Variants in RAP1GDS1 observed in about 807,000 individuals in gnomAD.
The protein encoded by RAP1GDS1 is Rap1 GTPase-GDP dissociation stimulator 1, also known as RAP1, GTP-GDP dissociation stimulator 1.
RAP1GDS1 carries 35 observed loss-of-function variants against 71.1 expected under a neutral mutation model. The observed-to-expected ratio is 0.49, with a 90% CI of 0.38 to 0.65. The LOEUF is 0.65. Among genes scored for constraint, RAP1GDS1 ranks in the 30% least tolerant of loss-of-function variants. The probability of loss-of-function intolerance (pLI) is 0.00; values close to 1 mark genes in which losing one functional copy is unlikely to be tolerated. For synonymous variants in RAP1GDS1, 229 were observed against 243.1 expected, an observed-to-expected ratio of 0.94 and a Z score of 0.54; for missense variants, 663 against 706.1, an observed-to-expected ratio of 0.94 and a Z score of 0.69.
intron 4 of RAP1GDS1, among the ~76,000 whole-genome samples, chr4:98,364,710 A>G (rs1244668932): frequency 1.6e-4 from 25 of 152,028 alleles, no homozygotes; most frequent in Admixed American, 1.6e-3. Context: ...CCAAGTATAA[A>G]AGCTTTATTT....
chr4:98,387,979 C>G (rs1359683417), intron 5 of RAP1GDS1, among the ~76,000 whole-genome samples: 1 of 152,142 alleles, frequency 6.6e-6, no homozygotes, highest in African/African-American at 2.4e-5. Context: ...AAGTCATACT[C>G]CTGATAACAT....
At chr4:98,284,734 T>C (rs551473815) in intron 1 of RAP1GDS1, among the ~76,000 whole-genome samples, 1 of 152,298 alleles carries the variant, frequency 6.6e-6, no homozygotes, top group South Asian at 2.1e-4. Flanking sequence ...CTCTGATTGT[T>C]GGAATACCAG....
chr4:98,326,416 C>A (rs1306310770), intron 2 of RAP1GDS1, among the ~76,000 whole-genome samples: 1 of 152,122 alleles, frequency 6.6e-6, no homozygotes, highest in Non-Finnish European at 1.5e-5. Flanking sequence ...CTTTCTTGAA[C>A]CTCATTCGAT....
At chr4:98,417,764 A>C (rs1052490305) in intron 9 of RAP1GDS1, among the ~76,000 whole-genome samples, 1 of 152,158 alleles carries the variant, frequency 6.6e-6, no homozygotes, top group Non-Finnish European at 1.5e-5. Context: ...GTAAGTTTGA[A>C]TCCCATTCTA....
At chr4:98,347,843 A>C (rs1488222698) in intron 3 of RAP1GDS1, among the ~76,000 whole-genome samples, 1 of 152,210 alleles carries the variant, frequency 6.6e-6, no homozygotes, top group East Asian at 1.9e-4. Context: ...GAATCCAGCC[A>C]GCTGTGAAAG....
At chr4:98,284,722 C>T (rs931389258) in intron 1 of RAP1GDS1, among the ~76,000 whole-genome samples, 5 of 152,130 alleles carry the variant, frequency 3.3e-5, no homozygotes, top group East Asian at 1.9e-4. Flanking sequence ...ATGCTGCTTC[C>T]GCTCTGATTG....
intron 3 of RAP1GDS1, among the ~76,000 whole-genome samples, chr4:98,350,144 A>G (rs1027273773): frequency 6.6e-6 from 1 of 152,202 alleles, no homozygotes; most frequent in Non-Finnish European, 1.5e-5. Flanking sequence ...TGTAGAGTCC[A>G]AATTTTGAAA....
At chr4:98,265,382 G>A (rs1000204213) in intron 1 of RAP1GDS1, among the ~76,000 whole-genome samples, 4 of 152,098 alleles carry the variant, frequency 2.6e-5, no homozygotes, top group Non-Finnish European at 5.9e-5. Context: ...TTTTTGGTCT[G>A]TCCTTTAGTC....
intron 1 of RAP1GDS1, among the ~76,000 whole-genome samples, chr4:98,289,626 A>G (rs928711450): frequency 6.6e-5 from 10 of 151,910 alleles, no homozygotes; most frequent in South Asian, 6.2e-4. Flanking sequence ...TGAAAATATT[A>G]TAATTTTTAA....
chr4:98,391,427 T>C (rs1165181124), intron 5 of RAP1GDS1, among the ~76,000 whole-genome samples: 1 of 152,148 alleles, frequency 6.6e-6, no homozygotes, highest in Non-Finnish European at 1.5e-5. Flanking sequence ...AAGAACACTC[T>C]GGTTGCAAAT....
chr4:98,443,121 G>T lies in RAP1GDS1; in HGVS notation c.*1004G>T, dbSNP rs189648410. On this transcript the variant is annotated 3_prime_UTR_variant, in exon 15 of 15. Coordinates refer to ENST00000408927, the MANE Select transcript of RAP1GDS1 (RefSeq NM_001100427.2). The stretch of plus-strand genomic sequence containing the variant: ...AATCTTATGTTAGAACTAGCAGGAC[G>T]TAGGTGGAAAGATGAAGAAATAAGC... 3.5e-4 allele frequency: 79 copies of T among 224,068 alleles called. No individual in the cohort carries two copies. In the East Asian group the frequency reaches 4.7e-3, roughly 13 times the overall value. The allele number at this position is 224,068 out of a possible 1,614,324, so 13.9% of individuals were successfully genotyped here. A position where few individuals can be genotyped will look rare whatever the true frequency, so the allele number is the denominator to read the frequency against.
At chr4:98,308,800 T>C (rs1729774962) in intron 2 of RAP1GDS1, among the ~76,000 whole-genome samples, 1 of 152,136 alleles carries the variant, frequency 6.6e-6, no homozygotes, top group Non-Finnish European at 1.5e-5. Context: ...ATGACATGAA[T>C]GTGTATATCT....
In RAP1GDS1 at chr4:98,288,993, T is replaced by C. The variant is rs1726487561; in HGVS notation, c.5-4415T>C. Among the ~76,000 whole-genome samples the C allele has an allele frequency of 2.0e-5, 3 of 152,288 alleles. No homozygotes were observed. In the South Asian group the frequency reaches 6.2e-4, roughly 32 times the overall value. On this transcript the variant is annotated intron_variant, in intron 1 of 14. Coordinates refer to ENST00000408927, the MANE Select transcript of RAP1GDS1 (RefSeq NM_001100427.2). ...TAGTCCCCCTTTATCCACAGGGATATGTTCCAAGATCAAGAGGCATGATTT... is the reference window on the plus strand; with the variant it reads ...TAGTCCCCCTTTATCCACAGGGATACGTTCCAAGATCAAGAGGCATGATTT...
intron 2 of RAP1GDS1, among the ~76,000 whole-genome samples, chr4:98,308,266 ACACC>A (rs1277968545): frequency 7.1e-6 from 1 of 141,788 alleles, no homozygotes; most frequent in Non-Finnish European, 1.5e-5. Flanking sequence ...ATATACACAC[ACACC>A]CACACACATA....
intron 2 of RAP1GDS1, chr4:98,297,021 T>C: frequency 5.7e-6 from 1 of 176,938 alleles, no homozygotes; most frequent in Non-Finnish European, 1.2e-5. Context: ...TCGTTCTCTT[T>C]TTTTTTTTTT....
intron 3 of RAP1GDS1, among the ~76,000 whole-genome samples, chr4:98,347,364 C>T (rs137865913): frequency 0.014 from 2,161 of 151,962 alleles, 21 homozygotes; most frequent in Middle Eastern, 0.024. Context: ...AAAAAATAAT[C>T]GACAATTATT....
intron 3 of RAP1GDS1, among the ~76,000 whole-genome samples, chr4:98,350,615 G>A (rs1737030580): frequency 6.6e-6 from 1 of 152,092 alleles, no homozygotes; most frequent in South Asian, 2.1e-4. Context: ...CAAGGCAGGT[G>A]GATCACGAGG....
At chr4:98,422,090 C>T (rs565246253) in intron 12 of RAP1GDS1, among the ~76,000 whole-genome samples, 1 of 151,990 alleles carries the variant, frequency 6.6e-6, no homozygotes, top group African/African-American at 2.4e-5. Context: ...GTCCCAGCTA[C>T]TCGGGAGGCT....
intron 6 of RAP1GDS1, among the ~76,000 whole-genome samples, chr4:98,399,564 G>A (rs2110143508): frequency 6.6e-6 from 1 of 152,278 alleles, no homozygotes; most frequent in South Asian, 2.1e-4. Flanking sequence ...AAAATGCTGG[G>A]ACTATAGGCG....
Sources: allele counts gnomAD v4.1 joint callset (sites outside exome capture counted in the v4.1 genomes callset), GRCh38; gene constraint gnomAD v4.1.1; transcripts MANE v1.5; gene names NCBI Gene and HGNC (gene_info 2026-07-23, HGNC 2026-07-21).